The following PCDH17 variants were observed in gnomAD, a reference collection of about 807,000 sequenced individuals.
The protein encoded by PCDH17 is protocadherin 17, also known as protocadherin-17.
A neutral mutation model predicts 67.7 loss-of-function variants in PCDH17; 21 were observed. That is an observed-to-expected ratio of 0.31 (90% confidence interval 0.22 to 0.45). PCDH17 has a LOEUF of 0.45. Among genes scored for constraint, PCDH17 ranks in the 20% least tolerant of loss-of-function variants. The pLI is 1.00. For missense variants in PCDH17, 1,471 were observed against 1,564.8 expected, an observed-to-expected ratio of 0.94 and a Z score of 1.01; for synonymous variants, 701 against 656.7, an observed-to-expected ratio of 1.07 and a Z score of -1.03.
rs1464889949 is a variant in PCDH17, at chr13:57,633,163, A to G, written c.617A>G (p.Gln206Arg). Residue 206 changes from glutamine (Q) to arginine (R), a missense_variant, in exon 1 of 4, where the codon CAG (glutamine) becomes CGG (arginine). Transcript: ENST00000377918. This position sits in a 1 kb window ranked among gnomAD's most constrained non-coding sequence, Gnocchi z 6.2. ...CAGAAGGCTCTGGACCGCGAGCAAC[A>G]GAATCACCATACGCTCGTGCTGACT... The part of the protein sequence containing the change: ...VIQKALDREQ[Q>R]NHHTLVLTAL... The G allele has an allele frequency of 9.3e-6, 15 of 1,613,320 alleles. No individual in the cohort carries two copies. The highest frequency in any genetic ancestry group is 1.3e-5 in the Non-Finnish European group (15 of 1,180,010).
chr13:57,710,334 TA>T (rs1359927297), intron 3 of PCDH17, among the ~76,000 whole-genome samples: 1 of 151,794 alleles, frequency 6.6e-6, no homozygotes, highest in Non-Finnish European at 1.5e-5. Context: ...CACAATACTT[TA>T]AAAAACCTTT....
chr13:57,662,490 A>G (rs1955195928), intron 1 of PCDH17, among the ~76,000 whole-genome samples: 1 of 152,296 alleles, frequency 6.6e-6, no homozygotes, highest in African/African-American at 2.4e-5. Context: ...ATTAATTGAT[A>G]GGCGCTATTA....
At position 57,666,751 on chromosome 13, in the gene PCDH17, C is replaced by G; in HGVS notation, c.2715C>G (p.Asn905Lys). The change falls in exon 3 of 4, where the codon AAC (asparagine) becomes AAG (lysine). Residue 905 changes from asparagine to lysine, a missense_variant. Coordinates refer to ENST00000377918, the MANE Select transcript of PCDH17 (RefSeq NM_001040429.3). ...SDQADSDQDT[N>K]KGSCCDMSVR... ...AGGCTGACAGTGACCAAGACACTAA[C>G]AAAGGCTCCTGCTGTGACATGTCTG... 1 of 1,613,784 alleles carries G rather than the reference C, an allele frequency of 6.2e-7. No homozygotes were observed. The highest frequency in any genetic ancestry group is 1.1e-5 in the South Asian group (1 of 91,066).
intron 1 of PCDH17, among the ~76,000 whole-genome samples, chr13:57,652,597 G>T (rs1375699038): frequency 6.6e-6 from 1 of 152,160 alleles, no homozygotes; most frequent in East Asian, 1.9e-4. Flanking sequence ...GTACCAAGGA[G>T]AAAATGAAGA....
At chr13:57,719,816 T>C (rs374127007) in intron 3 of PCDH17, among the ~76,000 whole-genome samples, 2 of 152,022 alleles carry the variant, frequency 1.3e-5, no homozygotes, top group Non-Finnish European at 2.9e-5. Flanking sequence ...TGTTTTTCCC[T>C]GAGCTTTCCA....
chr13:57,632,499 C>T lies in PCDH17; in HGVS notation c.-48C>T. The stretch of plus-strand genomic sequence containing the variant: ...CCCCAGGCTGGCGCGCACTCCCTCT[C>T]TGGCTCCTCCAGTCCGATTGCTCCT... On this transcript the variant is annotated 5_prime_UTR_variant, in exon 1 of 4. Transcript: ENST00000377918. The T allele has an allele frequency of 6.4e-7, 1 of 1,566,582 alleles. No individual in the cohort carries two copies. The highest frequency in any genetic ancestry group is 1.2e-5 in the South Asian group (1 of 86,254).
upstream of PCDH17, among the ~76,000 whole-genome samples, chr13:57,630,348 G>A (rs1339174308): frequency 6.8e-6 from 1 of 146,370 alleles, no homozygotes; most frequent in Non-Finnish European, 1.5e-5. Context: ...CAGAAAAGGA[G>A]GAATTAAAAA....
At chr13:57,659,131 G>GTGTATA (rs1555284149) in intron 1 of PCDH17, among the ~76,000 whole-genome samples, 3 of 150,596 alleles carry the variant, frequency 2.0e-5, no homozygotes, top group African/African-American at 7.4e-5. Flanking sequence ...GTGTGTGTGT[G>GTGTATA]TATACACACA....
chr13:57,702,197 G>A (rs938107156), intron 3 of PCDH17, among the ~76,000 whole-genome samples: 5 of 152,040 alleles, frequency 3.3e-5, no homozygotes, highest in African/African-American at 9.7e-5. Context: ...GAATACAGGC[G>A]TGAGCCACCA....
At chr13:57,659,309 G>A (rs1421273231) in intron 1 of PCDH17, among the ~76,000 whole-genome samples, 1 of 152,030 alleles carries the variant, frequency 6.6e-6, no homozygotes, top group African/African-American at 2.4e-5. Flanking sequence ...TTGAAGACTA[G>A]TGTTCTGATT....
chr13:57,725,363 G>T lies in PCDH17; in HGVS notation c.*69G>T, dbSNP rs370722436. On this transcript the variant is annotated 3_prime_UTR_variant, in exon 4 of 4. Coordinates refer to ENST00000377918, the MANE Select transcript of PCDH17 (RefSeq NM_001040429.3). ...GTTGATTTAAAAATGATCCCTCCTG[G>T]TGATAACCCATTTTACAGGGATGAA... The T allele has an allele frequency of 1.5e-6, 2 of 1,374,954 alleles. No individual in the cohort carries two copies. Among genetic ancestry groups the T allele is most frequent in the Non-Finnish European group, 2.0e-6 (2 of 1,006,592 alleles). The allele number at this position is 1,374,954 out of a possible 1,614,324, so 85.2% of individuals were successfully genotyped here.
In PCDH17 at chr13:57,633,179, C is replaced by T. The variant is rs749143274; in HGVS notation, c.633C>T (p.Leu211=). Residue 211 remains leucine (L), a synonymous_variant, in exon 1 of 4, where the codon CTC becomes CTT. Transcript: ENST00000377918. The surrounding 1 kb of genome is among the most constrained non-coding windows in gnomAD (Gnocchi z 6.2). ...LDREQQNHHT[L]VLTALDGGEP... is the part of the protein sequence containing the mutation. ...GCGAGCAACAGAATCACCATACGCT[C>T]GTGCTGACTGCCCTGGACGGTGGCG... The T allele has an allele frequency of 4.3e-6, 7 of 1,613,148 alleles. No individual in the cohort carries two copies. Among genetic ancestry groups the T allele is most frequent in the Non-Finnish European group, 5.9e-6 (7 of 1,179,988 alleles).
At chr13:57,711,276 T>C (rs569533551) in intron 3 of PCDH17, among the ~76,000 whole-genome samples, 1 of 152,040 alleles carries the variant, frequency 6.6e-6, no homozygotes, top group African/African-American at 2.4e-5. Context: ...CACAGGCACA[T>C]GTACACCTGT....
In PCDH17 at chr13:57,728,517, T is replaced by C. The variant is rs1414103664; in HGVS notation, c.*3223T>C. ...TTCTAAAAATTGCTTGCAGATGAGCTAAAAAAAAAAAAAAAAAAAAAAAGC... is the reference window on the plus strand; with the variant it reads ...TTCTAAAAATTGCTTGCAGATGAGCCAAAAAAAAAAAAAAAAAAAAAAAGC... On this transcript the variant is annotated 3_prime_UTR_variant, in exon 4 of 4. Transcript: ENST00000377918. 2 of 70,814 alleles carry C rather than the reference T, an allele frequency of 2.8e-5. No homozygotes were observed. Among genetic ancestry groups the C allele is most frequent in the African/African-American group, 1.1e-4 (2 of 18,650 alleles). The allele number at this position is 70,814 out of a possible 1,614,324, so 4.4% of individuals were successfully genotyped here.
intron 1 of PCDH17, among the ~76,000 whole-genome samples, chr13:57,645,601 T>A (rs894804511): frequency 3.3e-5 from 5 of 151,406 alleles, no homozygotes; most frequent in Non-Finnish European, 7.4e-5. Flanking sequence ...TTATTAATAA[T>A]ATTACAACTT....
At chr13:57,630,350 A>G (rs1954702506), upstream of PCDH17, among the ~76,000 whole-genome samples, 2 of 147,442 alleles carry the variant, frequency 1.4e-5, no homozygotes, top group South Asian at 4.3e-4. Flanking sequence ...GAAAAGGAGG[A>G]ATTAAAAAAA....
At chr13:57,690,984 T>C (rs1378307423) in intron 3 of PCDH17, among the ~76,000 whole-genome samples, 2 of 151,470 alleles carry the variant, frequency 1.3e-5, no homozygotes, top group Non-Finnish European at 3.0e-5. Flanking sequence ...TTACAGACAT[T>C]TAAATTACAT....
At chr13:57,664,642 T>A (rs1484314931) in intron 1 of PCDH17, among the ~76,000 whole-genome samples, 1 of 152,166 alleles carries the variant, frequency 6.6e-6, no homozygotes, top group Non-Finnish European at 1.5e-5. Flanking sequence ...TCACAGTAAA[T>A]TTTATTGTCT....
chr13:57,683,725 C>A (rs1353578381), intron 3 of PCDH17, among the ~76,000 whole-genome samples: 1 of 151,780 alleles, frequency 6.6e-6, no homozygotes, highest in African/African-American at 2.4e-5. Flanking sequence ...ACCGCCTTTC[C>A]TATTACTGTA....
Sources: allele counts gnomAD v4.1 joint callset (sites outside exome capture counted in the v4.1 genomes callset), GRCh38; gene constraint gnomAD v4.1.1; non-coding constraint Gnocchi (gnomAD v3.1); transcripts MANE v1.5; gene names NCBI Gene and HGNC (gene_info 2026-07-23, HGNC 2026-07-21).